OTUD7B: variants seen among roughly 807,000 people sequenced by gnomAD.
The protein encoded by OTUD7B is OTU domain-containing protein 7B.
Under a neutral mutation model 82.2 loss-of-function variants are expected in OTUD7B, and 34 were observed. That is an observed-to-expected ratio of 0.41 (90% CI 0.31 to 0.55). OTUD7B has a LOEUF of 0.55. OTUD7B is among the 20% of genes least tolerant of loss of function. The pLI is 0.20. For missense variants in OTUD7B, 944 were observed against 1,062.1 expected (o/e 0.89, Z 1.55); for synonymous variants, 398 against 402.7 (o/e 0.99, Z 0.14).
At chr1:150,000,718 C>T (rs191459328) in intron 1 of OTUD7B, among the ~76,000 whole-genome samples, 78 of 152,202 alleles carry the variant, frequency 5.1e-4, no homozygotes, top group African/African-American at 1.8e-3. Context: ...GTGGCTCATG[C>T]CTGTAATCCC....
chr1:150,060,882 G>A, the OTUD7B span, among the ~76,000 whole-genome samples: 2 of 151,978 alleles, frequency 1.3e-5, no homozygotes, highest in Admixed American at 1.3e-4. Context: ...AATTGAATTT[G>A]GTTATCATTC....
In OTUD7B at chr1:149,943,048, T is replaced by G. The variant is rs1170886197; in HGVS notation, c.*809A>C. The G allele has an allele frequency of 1.3e-5, 2 of 152,404 alleles. No individual in the cohort carries two copies. Among genetic ancestry groups the G allele is most frequent in the African/African-American group, 2.4e-5 (1 of 41,330 alleles). The allele number at this position is 152,404 out of a possible 1,614,324, so 9.4% of individuals were successfully genotyped here. A position where few individuals can be genotyped will look rare whatever the true frequency, so the allele number is the denominator to read the frequency against. On this transcript the variant is annotated 3_prime_UTR_variant, in exon 12 of 12. Coordinates refer to ENST00000581312, the MANE Select transcript of OTUD7B (RefSeq NM_020205.4). ...TAGATCAGCTCTGCCCCAATTCACCTGGAGAAAATGCAACACACATGACGG... is the reference window on the plus strand; with the variant it reads ...TAGATCAGCTCTGCCCCAATTCACCGGGAGAAAATGCAACACACATGACGG...
intron 1 of OTUD7B, among the ~76,000 whole-genome samples, chr1:149,979,367 T>A (rs1383178605): frequency 1.3e-5 from 2 of 152,180 alleles, no homozygotes; most frequent in Non-Finnish European, 2.9e-5. Context: ...TCACACTACA[T>A]GAGTTTACCT....
Position 149,949,624 on chromosome 1 carries a change from A to G in OTUD7B, c.1123+5T>C, listed in dbSNP as rs587770974. On this transcript the variant is annotated splice_donor_5th_base_variant and intron_variant, in intron 9 of 11. Coordinates refer to ENST00000581312, the MANE Select transcript of OTUD7B (RefSeq NM_020205.4). ...ATGCAGACCAAAAGACATGTCATTC[A>G]GCACCTTGTTCCTTGGTATTCTCCT... The G allele has an allele frequency of 6.2e-7, 1 of 1,612,698 alleles. No individual in the cohort carries two copies. The highest frequency in any genetic ancestry group is 1.3e-5 in the African/African-American group (1 of 75,014).
intron 3 of OTUD7B, among the ~76,000 whole-genome samples, chr1:149,968,871 C>T (rs1340815130): frequency 6.7e-6 from 1 of 149,286 alleles, no homozygotes; most frequent in Non-Finnish European, 1.5e-5. Flanking sequence ...CCACCACACC[C>T]AGCTAATTTT....
intron 1 of OTUD7B, among the ~76,000 whole-genome samples, chr1:149,989,051 T>C (rs1263294422): frequency 1.3e-5 from 2 of 152,116 alleles, no homozygotes; most frequent in African/African-American, 4.8e-5. Flanking sequence ...AGGGGAGAAA[T>C]AGAAGAAAAA....
chr1:150,059,377 T>TC, the OTUD7B span, among the ~76,000 whole-genome samples: 1 of 140,564 alleles, frequency 7.1e-6, no homozygotes, highest in Non-Finnish European at 1.5e-5. Flanking sequence ...ATTCTTTCTT[T>TC]TTTTTTTTTG....
the OTUD7B span, among the ~76,000 whole-genome samples, chr1:150,017,362 G>A: frequency 6.6e-6 from 1 of 152,176 alleles, no homozygotes; most frequent in Non-Finnish European, 1.5e-5. Flanking sequence ...GCAAGATTGG[G>A]TGTGTTTCTA....
upstream of OTUD7B, among the ~76,000 whole-genome samples, chr1:150,012,536 T>C (rs587773367): frequency 6.6e-6 from 1 of 152,202 alleles, no homozygotes; most frequent in African/African-American, 2.4e-5. Flanking sequence ...GTTATACCCA[T>C]ATAAATATGT....
chr1:149,959,833 G>GAACCC, intron 6 of OTUD7B, 37 bp from the exon 7 acceptor site: 4 of 1,396,152 alleles, frequency 2.9e-6, no homozygotes, highest in African/African-American at 1.4e-5. Flanking sequence ...TGGGCAATTA[G>GAACCC]AGGCTGGGTT....
chr1:149,947,395 A>G, intron 10 of OTUD7B, 60 bp from the exon 11 acceptor site: 1 of 1,041,652 alleles, frequency 9.6e-7, no homozygotes, highest in Non-Finnish European at 1.5e-6. Context: ...AATTTGATAT[A>G]GTTGGGAGAA....
At chr1:150,011,125 C>G (rs1232915841), upstream of OTUD7B, among the ~76,000 whole-genome samples, 3 of 152,106 alleles carry the variant, frequency 2.0e-5, no homozygotes, top group Non-Finnish European at 2.9e-5. Flanking sequence ...CTGGAGTGAC[C>G]GGAGGAAGAT....
At chr1:150,021,663 C>T in the OTUD7B span, among the ~76,000 whole-genome samples, 85 of 152,262 alleles carry the variant, frequency 5.6e-4, no homozygotes, top group Middle Eastern at 3.4e-3. Flanking sequence ...AGAGAAGACA[C>T]GACAGCACCA....
In OTUD7B at chr1:150,000,331, C is replaced by T. The variant is rs782007955; in HGVS notation, c.-67+10117G>A. Among the ~76,000 whole-genome samples, 10 of 151,854 alleles carry T rather than the reference C, an allele frequency of 6.6e-5. No individual in the cohort carries two copies. The East Asian group carries it at 9.7e-4, about 15-fold the overall frequency. The stretch of plus-strand genomic sequence containing the variant: ...TCTACTAAAAAATACAAAAATTAGC[C>T]GGGTGTGGTAGCGCGCACCTGTAGT... On this transcript the variant is annotated intron_variant, in intron 1 of 11. Coordinates refer to ENST00000581312, the MANE Select transcript of OTUD7B (RefSeq NM_020205.4).
chr1:150,001,300 G>A (rs587698051), intron 1 of OTUD7B, among the ~76,000 whole-genome samples: 3 of 152,180 alleles, frequency 2.0e-5, no homozygotes, highest in African/African-American at 7.2e-5. Flanking sequence ...TTAATAAAGG[G>A]CCAGGTGATT....
At chr1:150,048,401 G>A in the OTUD7B span, 1 of 152,224 alleles carries the variant, frequency 6.6e-6, no homozygotes, top group African/African-American at 2.4e-5. Flanking sequence ...TGCTAACACA[G>A]AGACATAATA....
At chr1:150,025,992 G>A in the OTUD7B span, among the ~76,000 whole-genome samples, 13 of 152,130 alleles carry the variant, frequency 8.5e-5, no homozygotes, top group Admixed American at 8.5e-4. Flanking sequence ...CCTTGAGTGA[G>A]GGCACTTGGC....
chr1:150,024,785 C>T, the OTUD7B span, among the ~76,000 whole-genome samples: 10 of 152,244 alleles, frequency 6.6e-5, no homozygotes, highest in East Asian at 9.7e-4. Flanking sequence ...TGGTGGCTCA[C>T]GCCTGTAATC....
chr1:150,003,270 A>AT (rs1652430320), intron 1 of OTUD7B, among the ~76,000 whole-genome samples: 2 of 12 alleles, frequency 0.17, no homozygotes, highest in Admixed American at 0.25. Context: ...AAAAAAAGAT[A>AT]AAAACTCTGT....
Sources: allele counts gnomAD v4.1 joint callset (sites outside exome capture counted in the v4.1 genomes callset), GRCh38; gene constraint gnomAD v4.1.1; transcripts MANE v1.5; gene names NCBI Gene and HGNC (gene_info 2026-07-23, HGNC 2026-07-21).